KHK: variants seen among roughly 807,000 people sequenced by gnomAD.
KHK encodes ketohexokinase.
In KHK, 37 loss-of-function variants were observed where a neutral mutation model predicts 36.0. The observed-to-expected ratio is 1.03, with a 90% CI of 0.79 to 1.35. The LOEUF (loss-of-function observed/expected upper bound fraction) is 1.35, where lower values mean the gene tolerates loss of function less well. KHK is among the 40% of genes most tolerant of loss of function. The pLI, the probability that KHK is intolerant of heterozygous loss-of-function variation, is 0.00. For synonymous variants in KHK, 161 were observed against 162.8 expected (o/e 0.99, Z 0.08); for missense variants, 395 against 391.9 (o/e 1.01, Z -0.07).
chr2:27,087,392 T>C (rs1669722004), intron 1 of KHK, 41 bp downstream of exon 1: 1 of 1,459,222 alleles, frequency 6.9e-7, no homozygotes, highest in Non-Finnish European at 9.4e-7. Flanking sequence ...CAGGGGCTGC[T>C]GCAGTCCAGC....
intron 5 of KHK, 53 bp from the exon 6 acceptor site, chr2:27,099,143 T>C: frequency 6.5e-7 from 1 of 1,540,108 alleles, no homozygotes; most frequent in Non-Finnish European, 9.0e-7. Flanking sequence ...TAGGCTGCTG[T>C]TGGTGAATGA....
chr2:27,097,691 TTTGG>T (rs758165401), intron 5 of KHK, 42 bp downstream of exon 5: 1 of 1,613,602 alleles, frequency 6.2e-7, no homozygotes, highest in South Asian at 1.1e-5. Context: ...TTCCAGCTAA[TTTGG>T]TTCTTAAAGG....
intron 5 of KHK, among the ~76,000 whole-genome samples, chr2:27,098,569 C>A (rs556222520): frequency 2.6e-5 from 4 of 151,834 alleles, no homozygotes; most frequent in African/African-American, 9.7e-5. Flanking sequence ...GTGCCTGAGC[C>A]CCACCATCTT....
chr2:27,092,356 C>T lies in KHK; in HGVS notation c.117C>T (p.Arg39=), dbSNP rs550564978. 51 of 1,613,288 alleles carry T rather than the reference C, an allele frequency of 3.2e-5. No homozygotes were observed. In the South Asian group the frequency reaches 3.4e-4, roughly 11 times the overall value. ...GGTGTTTGTCCCAGAGATGGCAGCG[C>T]GGAGGCAACGCGTCCAACTCCTGCA... ...EIRCLSQRWQ[R]GGNASNSCTV... is the part of the protein sequence containing the mutation. The change falls in exon 2 of 8, where the codon CGC becomes CGT. Residue 39 remains arginine, a synonymous_variant. Coordinates refer to ENST00000260598, the MANE Select transcript of KHK (RefSeq NM_006488.3).
chr2:27,087,610 G>A (rs1669738306), intron 1 of KHK, among the ~76,000 whole-genome samples: 3 of 152,172 alleles, frequency 2.0e-5, no homozygotes, highest in Admixed American at 2.0e-4. Flanking sequence ...GGCATCAGGT[G>A]TCAGGTGTCA....
chr2:27,096,729 G>C lies in KHK; in HGVS notation c.345G>C (p.Thr115=), dbSNP rs771496836. 7 of 1,613,600 alleles carry C rather than the reference G, an allele frequency of 4.3e-6. No homozygotes were observed. In the East Asian group the frequency reaches 1.1e-4, roughly 26 times the overall value. The part of the protein sequence containing the change: ...NGNRTIVLHD[T]SLPDVSATDF... Reference sequence around the variant, plus strand: ...CTGTCTTTTCCATCCTGTGACCTAGGAGCCTGCCAGATGTGTCTGCTACAG... The same window carrying C: ...CTGTCTTTTCCATCCTGTGACCTAGCAGCCTGCCAGATGTGTCTGCTACAG... The change falls in exon 4 of 8, where the codon ACG becomes ACC. Residue 115 remains threonine (T), a splice_region_variant and synonymous_variant. Coordinates refer to ENST00000260598, the MANE Select transcript of KHK (RefSeq NM_006488.3).
rs752495277 is a variant in KHK at position 27,099,513 on chromosome 2, C to T, written c.747C>T (p.Arg249=). ...LLHSDAFPPP[R]VVDTLGAGDT... is the part of the protein sequence containing the mutation. ...ACTCGGATGCTTTCCCGCCACCCCG[C>T]GTGGTGGATACACTGGGAGCTGGAG... Residue 249 remains arginine (R), a synonymous_variant, in exon 7 of 8, where the codon CGC becomes CGT. Transcript: ENST00000260598. 24 of 1,614,054 alleles carry T rather than the reference C, an allele frequency of 1.5e-5. 1 individual carries two copies. The highest frequency in any genetic ancestry group is 7.7e-5 in the South Asian group (7 of 91,094).
chr2:27,090,452 C>CTTTT (rs559420015), intron 1 of KHK, among the ~76,000 whole-genome samples: 197 of 110,074 alleles, frequency 1.8e-3, no homozygotes, highest in African/African-American at 2.2e-3. Flanking sequence ...TTTTTTCTTT[C>CTTTT]TTTTTTTTTT....
intron 3 of KHK, among the ~76,000 whole-genome samples, chr2:27,095,844 T>C (rs986971751): frequency 1.1e-4 from 16 of 152,226 alleles, no homozygotes; most frequent in Non-Finnish European, 1.9e-4. Flanking sequence ...ACCTTCGCAT[T>C]GGGCAATCCT....
intron 4 of KHK, 49 bp downstream of exon 4, chr2:27,096,850 C>G: frequency 7.4e-7 from 1 of 1,359,706 alleles, no homozygotes; most frequent in Non-Finnish European, 1.1e-6. Context: ...TGCCAGCCTC[C>G]TCCACATGTT....
At chr2:27,093,138 G>A (rs1021356557) in intron 2 of KHK, among the ~76,000 whole-genome samples, 1 of 152,200 alleles carries the variant, frequency 6.6e-6, no homozygotes, top group Non-Finnish European at 1.5e-5. Context: ...TGGGCACGGG[G>A]GCAGGCTGCC....
rs767615753 is a variant in KHK, at chr2:27,099,580, G to A, written c.811+3G>A. ...CGTCATCTTCAGCCTCTCCCAGGGT[G>A]AGTATGGCAGCAGGAGGGGAAAAGG... On this transcript the variant is annotated splice_donor_region_variant and intron_variant, in intron 7 of 7. Transcript: ENST00000260598. 34 of 1,614,028 alleles carry A rather than the reference G, an allele frequency of 2.1e-5. No individual in the cohort carries two copies. In the East Asian group the frequency reaches 4.9e-4, roughly 23 times the overall value.
intron 2 of KHK, 145 bp downstream of exon 2, chr2:27,092,593 G>A: frequency 1.5e-6 from 1 of 687,368 alleles, no homozygotes; most frequent in Non-Finnish European, 2.6e-6. Flanking sequence ...CGGAGCACCA[G>A]ACGCCCAGCC....
Position 27,087,249 on chromosome 2 carries a change from G to A in KHK, c.-11G>A. 1 of 1,578,466 alleles carries A rather than the reference G, an allele frequency of 6.3e-7. No homozygotes were observed. Among genetic ancestry groups the A allele is most frequent in the Non-Finnish European group, 8.6e-7 (1 of 1,161,408 alleles). On this transcript the variant is annotated 5_prime_UTR_variant, in exon 1 of 8. Coordinates refer to ENST00000260598, the MANE Select transcript of KHK (RefSeq NM_006488.3). ...TCAGCCGGGCGGGCAGGAAGCTCTG[G>A]GAGTAGCCTCATGGAAGAGAAGCAG...
chr2:27,093,139 G>T (rs575817006), intron 2 of KHK, among the ~76,000 whole-genome samples: 1 of 152,342 alleles, frequency 6.6e-6, no homozygotes, highest in South Asian at 2.1e-4. Context: ...GGGCACGGGG[G>T]CAGGCTGCCA....
Position 27,096,741 on chromosome 2 carries a change from T to C in KHK, c.357T>C (p.Asp119=). 1 of 1,614,006 alleles carries C rather than the reference T, an allele frequency of 6.2e-7. No homozygotes were observed. Among genetic ancestry groups the C allele is most frequent in the Non-Finnish European group, 8.5e-7 (1 of 1,179,904 alleles). Reference sequence around the variant, plus strand: ...TCCTGTGACCTAGGAGCCTGCCAGATGTGTCTGCTACAGACTTTGAGAAGG... The same window carrying C: ...TCCTGTGACCTAGGAGCCTGCCAGACGTGTCTGCTACAGACTTTGAGAAGG... ...TIVLHDTSLP[D]VSATDFEKVD... Residue 119 remains aspartate (D), a synonymous_variant, in exon 4 of 8, where the codon GAT becomes GAC. Transcript: ENST00000260598.
rs201070693 is a variant in KHK at position 27,094,658 on chromosome 2, A to C, written c.210-142A>C. ...TTGCCAGCTGCTGCCGCCGCCACCA[A>C]AACTCCCAGAACAGGACTCTTCTTC... is the stretch of plus-strand genomic sequence containing the variant. On this transcript the variant is annotated intron_variant, in intron 2 of 7. Transcript: ENST00000260598. 1,818 of 1,613,790 alleles carry C rather than the reference A, an allele frequency of 1.1e-3. 3 individuals carry two copies. The highest frequency in any genetic ancestry group is 1.4e-3 in the Non-Finnish European group (1,606 of 1,179,914).
In KHK at chr2:27,097,496, GT is replaced by G; in HGVS notation, c.418-6del. On this transcript the variant is annotated splice_region_variant and splice_polypyrimidine_tract_variant and intron_variant, in intron 4 of 7. Coordinates refer to ENST00000260598, the MANE Select transcript of KHK (RefSeq NM_006488.3). ...CAGCGGTCCTGAGCTGCCCTGTCCTGTACCAGGGCCGGAACGCATCGGAGCA... is the reference window on the plus strand; with the variant it reads ...CAGCGGTCCTGAGCTGCCCTGTCCTGACCAGGGCCGGAACGCATCGGAGCA... The G allele has an allele frequency of 1.9e-6, 3 of 1,613,336 alleles. No homozygotes were observed. The highest frequency in any genetic ancestry group is 2.2e-5 in the South Asian group (2 of 91,084).
Position 27,100,223 on chromosome 2 carries a change from T to TG in KHK, c.*474dup, listed in dbSNP as rs1415496418. ...GAGAGCTCTTCGGGGCCCTGCGTTG[T>TG]GCAGACTCTATTCCCACAGCTCAGA... On this transcript the variant is annotated 3_prime_UTR_variant, in exon 8 of 8. Transcript: ENST00000260598. The TG allele has an allele frequency of 2.5e-6, 1 of 400,336 alleles. No individual in the cohort carries two copies. Among genetic ancestry groups the TG allele is most frequent in the African/African-American group, 2.1e-5 (1 of 48,194 alleles). The allele number at this position is 400,336 out of a possible 1,614,324, so 24.8% of individuals were successfully genotyped here. A position where few individuals can be genotyped will look rare whatever the true frequency, so the allele number is the denominator to read the frequency against.
Sources: allele counts gnomAD v4.1 joint callset (sites outside exome capture counted in the v4.1 genomes callset), GRCh38; gene constraint gnomAD v4.1.1; transcripts MANE v1.5; gene names NCBI Gene and HGNC (gene_info 2026-07-23, HGNC 2026-07-21).